Variants in MAGI1 observed in about 807,000 individuals in gnomAD.
The protein encoded by MAGI1 is membrane-associated guanylate kinase, WW and PDZ domain-containing protein 1.
Under a neutral mutation model 139.9 loss-of-function variants are expected in MAGI1, and 58 were observed. The observed-to-expected ratio is 0.41, with a 90% confidence interval of 0.34 to 0.52. The LOEUF (loss-of-function observed/expected upper bound fraction) is 0.52. MAGI1 is among the 20% of genes least tolerant of loss of function. The probability of loss-of-function intolerance (pLI) is 0.12; values close to 1 mark genes in which losing one functional copy is unlikely to be tolerated. For missense variants in MAGI1, 1,874 were observed against 1,901.6 expected, an observed-to-expected ratio of 0.99 and a Z score of 0.27; for synonymous variants, 812 against 737.9, an observed-to-expected ratio of 1.10 and a Z score of -1.63.
chr3:65,357,184 C>T, intron 22 of MAGI1, 52 bp from the exon 23 acceptor site: 2 of 1,543,908 alleles, frequency 1.3e-6, no homozygotes, highest in Non-Finnish European at 1.7e-6. Flanking sequence ...TCCCTCGGCT[C>T]CTGTCCCCGT....
chr3:65,678,893 C>G (rs1464641392), intron 1 of MAGI1, among the ~76,000 whole-genome samples: 4 of 152,124 alleles, frequency 2.6e-5, no homozygotes, highest in Non-Finnish European at 5.9e-5. Context: ...TTTAATGTAT[C>G]CTTCTATGAT....
At position 65,475,490 on chromosome 3, in the gene MAGI1, A is replaced by G. The variant is rs536992753; in HGVS notation, c.757+3102T>C. Among the ~76,000 whole-genome samples the G allele has an allele frequency of 3.9e-5, 6 of 152,336 alleles. No homozygotes were observed. The East Asian group carries it at 1.2e-3, about 29-fold the overall frequency. On this transcript the variant is annotated intron_variant, in intron 4 of 22. Transcript: ENST00000402939. The stretch of plus-strand genomic sequence containing the variant: ...CAGTTTCCCAAAGTGCTGGGATTAC[A>G]GGCATGTAATCCTTGTTACACACTT...
At chr3:65,934,501 T>C (rs1007980472) in intron 1 of MAGI1, among the ~76,000 whole-genome samples, 24 of 152,196 alleles carry the variant, frequency 1.6e-4, no homozygotes, top group African/African-American at 5.5e-4. Flanking sequence ...TAACCATCTA[T>C]TTTATAGACT....
chr3:65,667,034 A>G (rs1049798669), intron 1 of MAGI1, among the ~76,000 whole-genome samples: 5 of 152,254 alleles, frequency 3.3e-5, no homozygotes, highest in Admixed American at 2.6e-4. Context: ...CTGCAAGATA[A>G]ACAGCAGTGT....
chr3:65,951,008 GAA>G (rs879575748), intron 1 of MAGI1, among the ~76,000 whole-genome samples: 2,403 of 137,664 alleles, frequency 0.017, 179 homozygotes, highest in Non-Finnish European at 0.028. Flanking sequence ...AGGAAGGAAG[GAA>G]GGAAGGAAGG....
chr3:65,963,139 T>G (rs1338448797), intron 1 of MAGI1, among the ~76,000 whole-genome samples: 4 of 136,060 alleles, frequency 2.9e-5, no homozygotes, highest in Non-Finnish European at 6.2e-5. Flanking sequence ...GAAAACAGCC[T>G]GGCCAACACA....
Position 65,946,059 on chromosome 3 carries a change from C to T in MAGI1, c.313+91937G>A, listed in dbSNP as rs375728520. Among the ~76,000 whole-genome samples the T allele has an allele frequency of 2.0e-4, 31 of 152,304 alleles. No homozygotes were observed. In the East Asian group the frequency reaches 3.9e-3, roughly 19 times the overall value. Reference sequence around the variant, plus strand: ...TTTATGTTTTACTTAAGAGGAAATGCACCTTAGAAAGCTCTCTGGGCCTGG... The same window carrying T: ...TTTATGTTTTACTTAAGAGGAAATGTACCTTAGAAAGCTCTCTGGGCCTGG... On this transcript the variant is annotated intron_variant, in intron 1 of 22. Coordinates refer to ENST00000402939, the MANE Select transcript of MAGI1 (RefSeq NM_001033057.2).
chr3:65,623,694 T>C (rs971207905), intron 1 of MAGI1, among the ~76,000 whole-genome samples: 1 of 152,206 alleles, frequency 6.6e-6, no homozygotes, highest in African/African-American at 2.4e-5. Flanking sequence ...ATGGTTAAGA[T>C]GATGGTATTT....
chr3:65,519,174 C>T (rs952233374), intron 2 of MAGI1, among the ~76,000 whole-genome samples: 3 of 152,024 alleles, frequency 2.0e-5, no homozygotes, highest in African/African-American at 7.2e-5. Flanking sequence ...AACATAATTG[C>T]GGTTTTTGCC....
Position 65,883,838 on chromosome 3 carries a change from C to T in MAGI1, c.313+154158G>A, listed in dbSNP as rs77407062. On this transcript the variant is annotated intron_variant, in intron 1 of 22. Transcript: ENST00000402939. ...TGTGTACACATGAATTGCCTGTGGG[C>T]GTTTTGCAAAATGTCACTCCCCCGA... Among the ~76,000 whole-genome samples the T allele has an allele frequency of 9.1e-4, 139 of 152,190 alleles. No homozygotes were observed. The East Asian group carries it at 0.025, about 28-fold the overall frequency.
intron 12 of MAGI1, among the ~76,000 whole-genome samples, chr3:65,406,099 AT>A (rs1236752385): frequency 6.6e-6 from 1 of 152,132 alleles, no homozygotes; most frequent in Non-Finnish European, 1.5e-5. Flanking sequence ...CTTGAGCATC[AT>A]TGATCTCTAT....
At chr3:65,692,476 G>C (rs543538035) in intron 1 of MAGI1, among the ~76,000 whole-genome samples, 12 of 152,292 alleles carry the variant, frequency 7.9e-5, no homozygotes, top group Non-Finnish European at 1.8e-4. Context: ...AAAGCCTACA[G>C]TGGCCTTGAC....
intron 4 of MAGI1, among the ~76,000 whole-genome samples, chr3:65,477,844 C>A (rs927661829): frequency 6.6e-6 from 1 of 151,430 alleles, no homozygotes; most frequent in South Asian, 2.1e-4. Context: ...GCAAATGGTA[C>A]CCCCTGGAGT....
At chr3:65,845,937 C>G (rs1464739620) in intron 1 of MAGI1, among the ~76,000 whole-genome samples, 1 of 152,200 alleles carries the variant, frequency 6.6e-6, no homozygotes, top group Admixed American at 6.5e-5. Context: ...TTCTTTTGTC[C>G]TTTTCTGGTT....
At chr3:65,563,250 G>A (rs1328879331) in intron 2 of MAGI1, among the ~76,000 whole-genome samples, 1 of 152,100 alleles carries the variant, frequency 6.6e-6, no homozygotes, top group Non-Finnish European at 1.5e-5. Context: ...GAGTAACAAT[G>A]ATATAAGCAA....
chr3:65,801,639 T>C (rs2040521367), intron 1 of MAGI1, among the ~76,000 whole-genome samples: 1 of 152,204 alleles, frequency 6.6e-6, no homozygotes, highest in South Asian at 2.1e-4. Context: ...TTCTCCTACA[T>C]TCTAACCCAA....
At position 65,921,902 on chromosome 3, in the gene MAGI1, T is replaced by C. The variant is rs555339391; in HGVS notation, c.313+116094A>G. 3.4e-5 allele frequency among the ~76,000 whole-genome samples: 5 copies of C among 146,828 alleles called. No individual in the cohort carries two copies. In the East Asian group the frequency reaches 8.2e-4, roughly 24 times the overall value. On this transcript the variant is annotated intron_variant, in intron 1 of 22. Transcript: ENST00000402939. ...ACCTGGGCAACAGAGTGAGACCCTA[T>C]CTCCAACCACACACACGACACACAC... is the stretch of plus-strand genomic sequence containing the variant.
At chr3:65,903,411 T>A (rs2108632841) in intron 1 of MAGI1, among the ~76,000 whole-genome samples, 1 of 152,178 alleles carries the variant, frequency 6.6e-6, no homozygotes, top group South Asian at 2.1e-4. Context: ...CTCTCTAGAG[T>A]TCAGTTTCCT....
At chr3:65,610,532 T>C (rs1189644100) in intron 2 of MAGI1, among the ~76,000 whole-genome samples, 1 of 151,868 alleles carries the variant, frequency 6.6e-6, no homozygotes, top group Non-Finnish European at 1.5e-5. Flanking sequence ...ATCTTTTTTT[T>C]TCCCAAGTCA....
Sources: gnomAD v4.1 joint callset for allele counts (sites outside exome capture counted in the v4.1 genomes callset) on GRCh38, gnomAD v4.1.1 for gene constraint, MANE v1.5 for transcripts, NCBI Gene and HGNC (gene_info 2026-07-23, HGNC 2026-07-21) for gene names.